The following CALN1 variants were observed in gnomAD, a reference collection of about 807,000 sequenced individuals.
The protein encoded by CALN1 is calneuron 1, also known as calcium-binding protein 8.
CALN1 carries 17 observed loss-of-function variants against 30.6 expected under a neutral mutation model. The ratio of observed to expected loss-of-function variants is 0.56; its 90% CI spans 0.38 to 0.83. CALN1 has a LOEUF of 0.83. Ranked by LOEUF, CALN1 falls within the 40% of genes least tolerant of loss-of-function variation. The pLI is 0.00. For synonymous variants in CALN1, 156 were observed against 131.4 expected (o/e 1.19, Z -1.28); for missense variants, 291 against 354.9 (o/e 0.82, Z 1.45).
intron 5 of CALN1, among the ~76,000 whole-genome samples, chr7:71,822,086 A>G (rs1226624021): frequency 6.6e-6 from 1 of 151,640 alleles, no homozygotes; most frequent in Non-Finnish European, 1.5e-5. Context: ...TGGTTTTTAA[A>G]CTTTTTAATG....
intron 2 of CALN1, among the ~76,000 whole-genome samples, chr7:72,342,545 G>A (rs763793900): frequency 2.6e-5 from 4 of 152,228 alleles, no homozygotes; most frequent in African/African-American, 7.2e-5. Flanking sequence ...TCTCCTTATC[G>A]TGCATTTGTA....
At chr7:72,312,264 T>A (rs1300541257) in intron 2 of CALN1, among the ~76,000 whole-genome samples, 1 of 151,434 alleles carries the variant, frequency 6.6e-6, no homozygotes, top group African/African-American at 2.4e-5. Context: ...ATTAGCAGGG[T>A]GTGGTGGTGC....
At chr7:72,029,426 T>C (rs1801297571) in intron 4 of CALN1, among the ~76,000 whole-genome samples, 1 of 152,198 alleles carries the variant, frequency 6.6e-6, no homozygotes, top group South Asian at 2.1e-4. Context: ...TATTTGATCT[T>C]TGACCCCATT....
At chr7:72,326,248 G>A (rs779329764) in intron 2 of CALN1, among the ~76,000 whole-genome samples, 12 of 152,078 alleles carry the variant, frequency 7.9e-5, no homozygotes, top group Admixed American at 3.3e-4. Flanking sequence ...GATCCTGATC[G>A]TCCTTGCACA....
chr7:72,055,216 A>G (rs1024474177), intron 4 of CALN1, among the ~76,000 whole-genome samples: 6 of 150,828 alleles, frequency 4.0e-5, no homozygotes, highest in Non-Finnish European at 7.4e-5. Context: ...CTCAATTTGC[A>G]TGGGCCAGAC....
intron 3 of CALN1, among the ~76,000 whole-genome samples, chr7:72,215,923 A>C (rs777292666): frequency 3.3e-5 from 5 of 152,168 alleles, no homozygotes; most frequent in Non-Finnish European, 7.3e-5. Context: ...TCTTTGCTGC[A>C]GAGGTAAGCA....
chr7:72,023,155 A>G (rs903544201), intron 5 of CALN1, among the ~76,000 whole-genome samples: 1 of 152,164 alleles, frequency 6.6e-6, no homozygotes, highest in Non-Finnish European at 1.5e-5. Flanking sequence ...AATAATTACA[A>G]TGTTAGATGT....
Position 72,412,243 on chromosome 7 carries a change from T to TA in CALN1, c.-260dup, listed in dbSNP as rs1807227571. 1.3e-5 allele frequency: 2 copies of TA among 152,318 alleles called. No homozygotes were observed. The highest frequency in any genetic ancestry group is 4.8e-5 in the African/African-American group (2 of 41,552). 9.4% of individuals were successfully genotyped at this position (152,318 alleles called of 1,614,324 possible). ...AGACGCAGACCGCGGCCGTGAGCTT[T>TA]AAAGGTGGCGCGGACCCAGAGTAAG... On this transcript the variant is annotated 5_prime_UTR_variant, in exon 1 of 7. Coordinates refer to ENST00000395275, the MANE Select transcript of CALN1 (RefSeq NM_031468.4).
chr7:72,247,764 C>A (rs1343028673), intron 3 of CALN1, among the ~76,000 whole-genome samples: 1 of 152,100 alleles, frequency 6.6e-6, no homozygotes, highest in Non-Finnish European at 1.5e-5. Context: ...GCCAAGGCAA[C>A]AGGATTGCTT....
chr7:71,969,982 T>A (rs1192697410), intron 5 of CALN1, among the ~76,000 whole-genome samples: 1 of 151,924 alleles, frequency 6.6e-6, no homozygotes, highest in Admixed American at 6.6e-5. Context: ...ATGCCACCAC[T>A]CCCAGCTAAT....
intron 5 of CALN1, among the ~76,000 whole-genome samples, chr7:71,848,096 CA>C (rs777570570): frequency 6.6e-6 from 1 of 152,190 alleles, no homozygotes; most frequent in Non-Finnish European, 1.5e-5. Flanking sequence ...CAAGGTAACA[CA>C]TAAAATTCAC....
chr7:71,862,925 T>C (rs954000973), intron 5 of CALN1, among the ~76,000 whole-genome samples: 19 of 152,132 alleles, frequency 1.2e-4, no homozygotes, highest in African/African-American at 4.6e-4. Context: ...TCCAAGTTAG[T>C]TGAATGTGGC....
intron 1 of CALN1, among the ~76,000 whole-genome samples, chr7:72,437,384 C>T (rs899991840): frequency 6.6e-6 from 1 of 152,052 alleles, no homozygotes; most frequent in African/African-American, 2.4e-5. Context: ...CAGACAGTGC[C>T]CCTTTCACTA....
intron 5 of CALN1, chr7:71,942,226 C>A: frequency 5.5e-6 from 1 of 182,856 alleles, no homozygotes; most frequent in South Asian, 9.7e-5. Flanking sequence ...ACAGAACAGT[C>A]AACTGACTCT....
rs1278046168 is a variant in CALN1, at chr7:72,125,497, G to T, written c.245-19203C>A. ...GGCACTTTGTAAAGTAAATAACATG[G>T]TGTATAGAAAAGTGATAAATGCTAC... On this transcript the variant is annotated intron_variant, in intron 3 of 6. Coordinates refer to ENST00000395275, the MANE Select transcript of CALN1 (RefSeq NM_031468.4). Among the ~76,000 whole-genome samples the T allele has an allele frequency of 3.9e-5, 6 of 152,314 alleles. No individual in the cohort carries two copies. The Middle Eastern group carries it at 0.01, about 259-fold the overall frequency.
At chr7:71,850,634 A>T (rs2116584229) in intron 5 of CALN1, among the ~76,000 whole-genome samples, 1 of 152,364 alleles carries the variant, frequency 6.6e-6, no homozygotes, top group Non-Finnish European at 1.5e-5. Flanking sequence ...GAGGTTATAG[A>T]TTCTGGAGGG....
chr7:71,957,910 C>A (rs1797040440), intron 5 of CALN1, among the ~76,000 whole-genome samples: 3 of 151,512 alleles, frequency 2.0e-5, no homozygotes, highest in Admixed American at 2.0e-4. Context: ...ATTAAAAATA[C>A]AAAAATTAGC....
At chr7:72,342,522 A>C (rs577404868) in intron 2 of CALN1, among the ~76,000 whole-genome samples, 27 of 152,326 alleles carry the variant, frequency 1.8e-4, no homozygotes, top group Non-Finnish European at 3.7e-4. Flanking sequence ...GAACAAAATG[A>C]ACAGGAAGGA....
intron 3 of CALN1, among the ~76,000 whole-genome samples, chr7:72,250,873 C>G (rs1795506124): frequency 6.6e-6 from 1 of 152,138 alleles, no homozygotes; most frequent in Non-Finnish European, 1.5e-5. Context: ...ATAAATTACC[C>G]AGTCTCAGGT....
Sources: gnomAD v4.1 joint callset for allele counts (sites outside exome capture counted in the v4.1 genomes callset) on GRCh38, gnomAD v4.1.1 for gene constraint, MANE v1.5 for transcripts, NCBI Gene and HGNC (gene_info 2026-07-23, HGNC 2026-07-21) for gene names.